Variants in SDK1 observed in about 807,000 individuals in gnomAD.
The protein encoded by SDK1 is sidekick cell adhesion molecule 1.
In SDK1, 157 loss-of-function variants were observed where a neutral mutation model predicts 245.5. That is an observed-to-expected ratio of 0.64 (90% CI 0.56 to 0.73). The LOEUF is 0.73. Ranked by LOEUF, SDK1 falls within the 30% of genes least tolerant of loss-of-function variation. The pLI is 0.00. For synonymous variants in SDK1, 1,647 were observed against 1,278.5 expected (o/e 1.29, Z -6.15); for missense variants, 3,583 against 3,002.3 (o/e 1.19, Z -4.52).
At chr7:3,882,110 A>C (rs1562510600) in intron 5 of SDK1, among the ~76,000 whole-genome samples, 2 of 151,914 alleles carry the variant, frequency 1.3e-5, no homozygotes, top group Admixed American at 6.6e-5. Context: ...GAAAGGGGAA[A>C]CTCCTATAAA....
At chr7:3,595,504 C>T (rs181881085) in intron 1 of SDK1, among the ~76,000 whole-genome samples, 3 of 151,888 alleles carry the variant, frequency 2.0e-5, no homozygotes, top group East Asian at 1.9e-4. Flanking sequence ...CTGTTGCCTC[C>T]GATATATTTA....
intron 18 of SDK1, among the ~76,000 whole-genome samples, chr7:4,051,118 T>A (rs1337212953): frequency 7.2e-6 from 1 of 139,384 alleles, no homozygotes; most frequent in Non-Finnish European, 1.5e-5. Context: ...ATATGTATAA[T>A]ATATACATAT....
chr7:4,222,255 CT>C (rs1354740189), intron 40 of SDK1, among the ~76,000 whole-genome samples: 1 of 152,168 alleles, frequency 6.6e-6, no homozygotes, highest in Non-Finnish European at 1.5e-5. Context: ...CACCAAATTG[CT>C]TTTGAAAGAT....
chr7:4,006,617 A>C (rs911956538), intron 14 of SDK1, among the ~76,000 whole-genome samples: 1 of 152,196 alleles, frequency 6.6e-6, no homozygotes, highest in African/African-American at 2.4e-5. Context: ...TTTTGTATGA[A>C]TCAGGGTGCC....
intron 5 of SDK1, among the ~76,000 whole-genome samples, chr7:3,898,018 C>T (rs1022295178): frequency 6.6e-6 from 1 of 152,026 alleles, no homozygotes; most frequent in South Asian, 2.1e-4. Flanking sequence ...CCCAGGAAGC[C>T]GCCGTGTGCA....
chr7:3,344,018 CA>C (rs397939224), intron 1 of SDK1, among the ~76,000 whole-genome samples: 8,161 of 122,460 alleles, frequency 0.067, 269 homozygotes, highest in African/African-American at 0.076. Context: ...CACATACAAC[CA>C]AAAAAAAAAA....
At chr7:3,627,012 C>T (rs1165010133) in intron 2 of SDK1, among the ~76,000 whole-genome samples, 5 of 151,962 alleles carry the variant, frequency 3.3e-5, no homozygotes, top group South Asian at 2.1e-4. Flanking sequence ...ATTGCAGCCT[C>T]GACCTCCCGG....
chr7:4,053,678 C>G (rs1779024909), intron 19 of SDK1, among the ~76,000 whole-genome samples: 1 of 152,086 alleles, frequency 6.6e-6, no homozygotes, highest in Admixed American at 6.5e-5. Context: ...CTGGAACAAT[C>G]TCGCCATTGA....
At chr7:3,642,303 G>A (rs1184286830) in intron 4 of SDK1, among the ~76,000 whole-genome samples, 198 bp downstream of exon 4, 2 of 152,194 alleles carry the variant, frequency 1.3e-5, no homozygotes, top group Admixed American at 1.3e-4. Flanking sequence ...GCAAATAACT[G>A]TCTAATATTA....
chr7:3,853,653 G>A (rs963296574), intron 5 of SDK1, among the ~76,000 whole-genome samples: 1 of 152,008 alleles, frequency 6.6e-6, no homozygotes, highest in African/African-American at 2.4e-5. Flanking sequence ...AATCTGAGAT[G>A]CCCCAGTGAG....
intron 4 of SDK1, among the ~76,000 whole-genome samples, chr7:3,746,585 A>C (rs1372225276): frequency 6.6e-6 from 1 of 152,238 alleles, no homozygotes; most frequent in East Asian, 1.9e-4. Context: ...CTTTGTTGTC[A>C]TGTGAACAAA....
chr7:3,881,086 A>G (rs1010157832), intron 5 of SDK1, among the ~76,000 whole-genome samples: 17 of 151,490 alleles, frequency 1.1e-4, no homozygotes, highest in African/African-American at 3.4e-4. Context: ...TTTAATCTTT[A>G]TTTTTCATTT....
intron 4 of SDK1, among the ~76,000 whole-genome samples, chr7:3,679,059 A>G (rs1784012547): frequency 6.6e-6 from 1 of 152,226 alleles, no homozygotes; most frequent in South Asian, 2.1e-4. Flanking sequence ...ATTTTTAGCT[A>G]TGGCACCAAA....
intron 1 of SDK1, among the ~76,000 whole-genome samples, chr7:3,552,736 G>C (rs75058793): frequency 1.3e-5 from 2 of 152,164 alleles, no homozygotes; most frequent in Non-Finnish European, 2.9e-5. Context: ...CATTCTAGGG[G>C]TTGAGGGAAA....
chr7:3,370,296 AG>A (rs1440868867), intron 1 of SDK1, among the ~76,000 whole-genome samples: 1 of 152,222 alleles, frequency 6.6e-6, no homozygotes, highest in African/African-American at 2.4e-5. Context: ...CTTTCTCTTC[AG>A]TACAGGGTGT....
At chr7:4,138,660 G>A (rs1779254342) in intron 28 of SDK1, among the ~76,000 whole-genome samples, 1 of 151,292 alleles carries the variant, frequency 6.6e-6, no homozygotes, top group Admixed American at 6.6e-5. Flanking sequence ...GGCAGGAGAA[G>A]CATTTGAACC....
intron 25 of SDK1, among the ~76,000 whole-genome samples, chr7:4,121,003 T>C (rs1374481968): frequency 6.6e-6 from 1 of 151,880 alleles, no homozygotes; most frequent in Non-Finnish European, 1.5e-5. Context: ...AACAAACATT[T>C]CCAGCTGTTG....
intron 22 of SDK1, among the ~76,000 whole-genome samples, chr7:4,103,975 T>C (rs1381149782): frequency 1.3e-5 from 2 of 152,274 alleles, no homozygotes; most frequent in Non-Finnish European, 2.9e-5. Flanking sequence ...ACAGTGGCTG[T>C]GTTCCAATAA....
chr7:3,981,015 C>T (rs886577426), intron 13 of SDK1, among the ~76,000 whole-genome samples: 2 of 152,044 alleles, frequency 1.3e-5, no homozygotes, highest in Non-Finnish European at 2.9e-5. Flanking sequence ...TTGCATGCCT[C>T]AGGTATTGCA....
Sources: gnomAD v4.1 joint callset for allele counts (sites outside exome capture counted in the v4.1 genomes callset) on GRCh38, gnomAD v4.1.1 for gene constraint, MANE v1.5 for transcripts, NCBI Gene and HGNC (gene_info 2026-07-23, HGNC 2026-07-21) for gene names.